Variants in NF1 observed in about 807,000 individuals in gnomAD.
NF1 encodes neurofibromin 1.
In NF1, 122 loss-of-function variants were observed where a neutral mutation model predicts 325.7. The observed-to-expected ratio is 0.37, with a 90% confidence interval of 0.32 to 0.44. The LOEUF (loss-of-function observed/expected upper bound fraction) is 0.44, where lower values mean the gene tolerates loss of function less well. Ranked by LOEUF, NF1 falls within the 20% of genes least tolerant of loss-of-function variation. The pLI is 1.00. For synonymous variants in NF1, 1,091 were observed against 1,186.0 expected (o/e 0.92, Z 1.65); for missense variants, 2,140 against 3,415.4 (o/e 0.63, Z 9.31).
In NF1 at chr17:31,248,899, T is replaced by C. The variant is rs937254761; in HGVS notation, c.3975-85T>C. 4 of 1,352,840 alleles carry C rather than the reference T, an allele frequency of 3.0e-6. No individual in the cohort carries two copies. In the African/African-American group the frequency reaches 4.4e-5, roughly 15 times the overall value. The allele number at this position is 1,352,840 out of a possible 1,614,324, so 83.8% of individuals were successfully genotyped here. On this transcript the variant is annotated intron_variant, in intron 29 of 57. Transcript: ENST00000358273. ...TCTACACGTTGCACTTGGCTTAATG[T>C]CTGTATAAGAGTCTCTTTTAAGGAG...
chr17:31,114,543 A>G (rs1039914643), intron 1 of NF1, among the ~76,000 whole-genome samples: 1 of 145,866 alleles, frequency 6.9e-6, no homozygotes, highest in Non-Finnish European at 1.5e-5. Context: ...CTCACAAAAA[A>G]GAATAAAAAA....
At chr17:31,127,968 T>G (rs1915025691) in intron 1 of NF1, among the ~76,000 whole-genome samples, 1 of 152,118 alleles carries the variant, frequency 6.6e-6, no homozygotes, top group Admixed American at 6.6e-5. Flanking sequence ...ACTTCTGTTT[T>G]GTTTTGTTTG....
intron 4 of NF1, among the ~76,000 whole-genome samples, chr17:31,169,588 C>T (rs577628054): frequency 4.2e-4 from 64 of 152,150 alleles, no homozygotes; most frequent in African/African-American, 1.2e-3. Context: ...CTCTGTTACT[C>T]AGGCTGAAGT....
chr17:31,305,114 G>A, intron 36 of NF1: 3 of 1,614,162 alleles, frequency 1.9e-6, no homozygotes, highest in Non-Finnish European at 2.5e-6. Context: ...TGTGTGGATG[G>A]ATTATGAACA....
intron 5 of NF1, among the ~76,000 whole-genome samples, chr17:31,177,483 T>C (rs2143751898): frequency 6.6e-6 from 1 of 152,026 alleles, no homozygotes; most frequent in South Asian, 2.1e-4. Flanking sequence ...CACAACTCCT[T>C]ACCAGCAAAG....
At chr17:31,154,886 C>T (rs754607658) in intron 1 of NF1, among the ~76,000 whole-genome samples, 2 of 151,816 alleles carry the variant, frequency 1.3e-5, no homozygotes, top group Non-Finnish European at 2.9e-5. Flanking sequence ...ATTACAGGCA[C>T]GTGGCACTAC....
intron 11 of NF1, among the ~76,000 whole-genome samples, chr17:31,201,803 A>T (rs892691370): frequency 9.2e-5 from 14 of 152,218 alleles, no homozygotes; most frequent in African/African-American, 3.1e-4. Flanking sequence ...TAAAATTTTC[A>T]TCCCGAAGCT....
rs1555610993 is a variant in NF1, at chr17:31,201,105, T to C, written c.1131T>C (p.Ile377=). 1 of 1,614,128 alleles carries C rather than the reference T, an allele frequency of 6.2e-7. No individual in the cohort carries two copies. Among genetic ancestry groups the C allele is most frequent in the Non-Finnish European group, 8.5e-7 (1 of 1,180,002 alleles). The part of the protein sequence containing the change: ...GSQPADVDLM[I]DCLVSCFRIS... Reference sequence around the variant, plus strand: ...AGCCTGCAGATGTGGATCTAATGATTGACTGCCTTGTTTCTTGCTTTCGTA... The same window carrying C: ...AGCCTGCAGATGTGGATCTAATGATCGACTGCCTTGTTTCTTGCTTTCGTA... Residue 377 remains isoleucine (I), a synonymous_variant, in exon 10 of 58, where the codon ATT becomes ATC. Coordinates refer to ENST00000358273, the MANE Select transcript of NF1 (RefSeq NM_001042492.3).
chr17:31,204,649 C>T (rs1335299065), intron 11 of NF1, among the ~76,000 whole-genome samples: 3 of 151,746 alleles, frequency 2.0e-5, no homozygotes, highest in Admixed American at 6.6e-5. Context: ...ATGTGGTGCA[C>T]CTGGTACCAC....
In NF1 at chr17:31,366,566, A is replaced by AC. The variant is rs2070525676; in HGVS notation, c.8377+5863_8377+5864insC. 5.9e-5 allele frequency among the ~76,000 whole-genome samples: 9 copies of AC among 152,330 alleles called. No individual in the cohort carries two copies. The South Asian group carries it at 1.9e-3, about 32-fold the overall frequency. On this transcript the variant is annotated intron_variant, in intron 57 of 57. Coordinates refer to ENST00000358273, the MANE Select transcript of NF1 (RefSeq NM_001042492.3). ...CTAAACTTAGACTTGGCTCTGAGTCAGTAATACTTCTGTTTACTAGGTTTG... is the reference window on the plus strand; with the variant it reads ...CTAAACTTAGACTTGGCTCTGAGTCACGTAATACTTCTGTTTACTAGGTTTG...
chr17:31,278,881 C>G (rs1473624389), intron 36 of NF1, among the ~76,000 whole-genome samples: 5 of 152,158 alleles, frequency 3.3e-5, no homozygotes, highest in Non-Finnish European at 7.4e-5. Context: ...TCCCAAAGTG[C>G]TGGAATTACA....
intron 40 of NF1, 141 bp downstream of exon 40, chr17:31,335,172 C>T: frequency 1.5e-6 from 1 of 680,720 alleles, no homozygotes; most frequent in Non-Finnish European, 2.5e-6. Context: ...AGCATGTAGA[C>T]ACTCACCCAG....
intron 36 of NF1, chr17:31,272,198 TAAG>T (rs1182330555): frequency 6.6e-6 from 1 of 152,212 alleles, no homozygotes; most frequent in Non-Finnish European, 1.5e-5. Context: ...TCAGCAATAA[TAAG>T]AAACTGAGAT....
chr17:31,145,404 C>T (rs1916516615), intron 1 of NF1, among the ~76,000 whole-genome samples: 1 of 152,106 alleles, frequency 6.6e-6, no homozygotes, highest in Non-Finnish European at 1.5e-5. Flanking sequence ...TTTGGCCAGG[C>T]TGGTCTCAAA....
chr17:31,174,444 C>A (rs1262073654), intron 5 of NF1, among the ~76,000 whole-genome samples: 2 of 152,130 alleles, frequency 1.3e-5, no homozygotes, highest in African/African-American at 4.8e-5. Context: ...ATCTCTTTGA[C>A]TGGACACTTC....
At chr17:31,152,605 T>C (rs922038766) in intron 1 of NF1, among the ~76,000 whole-genome samples, 1 of 151,290 alleles carries the variant, frequency 6.6e-6, no homozygotes, top group Non-Finnish European at 1.5e-5. Flanking sequence ...TTTACTCTTA[T>C]GTATCTTCTG....
intron 29 of NF1, among the ~76,000 whole-genome samples, chr17:31,245,224 A>G (rs1479018492): frequency 1.3e-5 from 2 of 152,110 alleles, no homozygotes; most frequent in African/African-American, 2.4e-5. Context: ...CAACTCCTAG[A>G]CCTCCATATC....
At chr17:31,340,691 A>T (rs2151562238) in intron 47 of NF1, 46 bp downstream of exon 47, 2 of 1,585,362 alleles carry the variant, frequency 1.3e-6, no homozygotes, top group Non-Finnish European at 1.7e-6. Flanking sequence ...CAAATTTAGT[A>T]CTCTTCCATC....
At chr17:31,308,577 G>A (rs1306805328) in intron 36 of NF1, among the ~76,000 whole-genome samples, 1 of 151,986 alleles carries the variant, frequency 6.6e-6, no homozygotes, top group African/African-American at 2.4e-5. Context: ...CTAAACACAC[G>A]ATTTTTCCCT....
Sources: allele counts gnomAD v4.1 joint callset (sites outside exome capture counted in the v4.1 genomes callset), GRCh38; gene constraint gnomAD v4.1.1; transcripts MANE v1.5; gene names NCBI Gene and HGNC (gene_info 2026-07-23, HGNC 2026-07-21).